The following MYO3A variants were observed in gnomAD, a reference collection of about 807,000 sequenced individuals.
The protein encoded by MYO3A is myosin IIIA.
A neutral mutation model predicts 192.7 loss-of-function variants in MYO3A; 180 were observed. The ratio of observed to expected loss-of-function variants is 0.93; its 90% CI spans 0.83 to 1.06. MYO3A has a LOEUF of 1.06. Among genes scored for constraint, MYO3A ranks in the 50% least tolerant of loss-of-function variants. The probability of loss-of-function intolerance (pLI) is 0.00; values close to 1 mark genes in which losing one functional copy is unlikely to be tolerated. For missense variants in MYO3A, 1,896 were observed against 1,905.0 expected (o/e 1.00, Z 0.09); for synonymous variants, 628 against 645.3 (o/e 0.97, Z 0.41).
chr10:26,166,596 G>T (rs1317087813), intron 27 of MYO3A, among the ~76,000 whole-genome samples: 1 of 152,078 alleles, frequency 6.6e-6, no homozygotes, highest in African/African-American at 2.4e-5. Context: ...TTATCTTGAA[G>T]ATTTATCAAA....
intron 4 of MYO3A, among the ~76,000 whole-genome samples, chr10:25,971,603 G>A (rs1020839784): frequency 2.8e-4 from 42 of 152,092 alleles, no homozygotes; most frequent in African/African-American, 9.7e-4. Context: ...TTTTGAGAGA[G>A]TTTTGCTGAG....
In MYO3A at chr10:26,014,758, A is replaced by G. The variant is rs952139695; in HGVS notation, c.509-2062A>G. On this transcript the variant is annotated intron_variant, in intron 6 of 34. Transcript: ENST00000642920. The stretch of plus-strand genomic sequence containing the variant: ...GACCCCTTTATGTTGACAAAATTCT[A>G]TATTTTTATAGTTTCAGTTCTCATT... Among the ~76,000 whole-genome samples, 5 of 152,238 alleles carry G rather than the reference A, an allele frequency of 3.3e-5. No homozygotes were observed. In the East Asian group the frequency reaches 5.8e-4, roughly 18 times the overall value.
chr10:25,962,839 G>T (rs1838020716), intron 4 of MYO3A, among the ~76,000 whole-genome samples: 1 of 152,126 alleles, frequency 6.6e-6, no homozygotes, highest in Non-Finnish European at 1.5e-5. Context: ...GCTATTGATG[G>T]ACACAAAGGG....
chr10:26,059,868 CAAT>C (rs1354469403), intron 10 of MYO3A, among the ~76,000 whole-genome samples: 5 of 152,118 alleles, frequency 3.3e-5, no homozygotes, highest in African/African-American at 1.2e-4. Context: ...ATTAAAACAA[CAAT>C]GACACTTTGG....
intron 34 of MYO3A, among the ~76,000 whole-genome samples, chr10:26,206,653 T>C (rs188697898): frequency 0.013 from 2,038 of 151,828 alleles, 47 homozygotes; most frequent in African/African-American, 0.046. Flanking sequence ...TTCACCATGT[T>C]GGCCAGGCTG....
In MYO3A at chr10:25,960,303, A is replaced by T. The variant is rs1440191989; in HGVS notation, c.303+5295A>T. Among the ~76,000 whole-genome samples the T allele has an allele frequency of 2.0e-5, 3 of 152,088 alleles. No homozygotes were observed. In the South Asian group the frequency reaches 6.2e-4, roughly 31 times the overall value. On this transcript the variant is annotated intron_variant, in intron 4 of 34. Coordinates refer to ENST00000642920, the MANE Select transcript of MYO3A (RefSeq NM_017433.5). The stretch of plus-strand genomic sequence containing the variant: ...ATTTTCAAAAATCTTTCATCATCTG[A>T]TGCTGTATATTATTTTACAAAATTA...
intron 2 of MYO3A, among the ~76,000 whole-genome samples, chr10:25,940,407 A>G (rs959485980): frequency 1.3e-5 from 2 of 151,998 alleles, no homozygotes; most frequent in Non-Finnish European, 2.9e-5. Flanking sequence ...AGTTATTTCT[A>G]ACTGCTTCCT....
intron 10 of MYO3A, among the ~76,000 whole-genome samples, chr10:26,054,892 T>G (rs1451459095): frequency 6.6e-6 from 1 of 152,230 alleles, no homozygotes; most frequent in African/African-American, 2.4e-5. Flanking sequence ...TGCAGAACTG[T>G]GAGAGAATAA....
intron 25 of MYO3A, 115 bp downstream of exon 25, chr10:26,154,938 A>G (rs2131917606): frequency 4.5e-6 from 4 of 883,718 alleles, no homozygotes; most frequent in East Asian, 5.6e-5. Context: ...TCCATTTACT[A>G]TTGTTAGATA....
chr10:26,154,044 C>G, intron 24 of MYO3A, 115 bp downstream of exon 24: 1 of 786,858 alleles, frequency 1.3e-6, no homozygotes, highest in Non-Finnish European at 2.2e-6. Flanking sequence ...TCCCTTTGAT[C>G]TTGCTTTTCT....
intron 17 of MYO3A, among the ~76,000 whole-genome samples, chr10:26,103,459 G>C (rs2131600206): frequency 6.6e-6 from 1 of 152,318 alleles, no homozygotes; most frequent in South Asian, 2.1e-4. Flanking sequence ...CCATCTTCTT[G>C]TTGCTCACGC....
At chr10:25,962,132 T>C (rs927691635) in intron 4 of MYO3A, among the ~76,000 whole-genome samples, 2 of 152,156 alleles carry the variant, frequency 1.3e-5, no homozygotes, top group African/African-American at 4.8e-5. Context: ...CAATCCAGAG[T>C]TGAAATCCTA....
intron 4 of MYO3A, among the ~76,000 whole-genome samples, chr10:25,956,723 TA>T (rs1204871404): frequency 6.6e-6 from 1 of 152,054 alleles, no homozygotes; most frequent in Non-Finnish European, 1.5e-5. Context: ...TTCATTTTTG[TA>T]TGTTTTTTTC....
intron 25 of MYO3A, among the ~76,000 whole-genome samples, chr10:26,156,831 G>C (rs1024995835): frequency 6.6e-6 from 1 of 152,012 alleles, no homozygotes; most frequent in Non-Finnish European, 1.5e-5. Context: ...TTTCCTGATC[G>C]TCTCCCTCCT....
chr10:26,211,713 A>G, intron 34 of MYO3A, 130 bp from the exon 35 acceptor site: 1 of 1,409,868 alleles, frequency 7.1e-7, no homozygotes, highest in Non-Finnish European at 9.7e-7. Flanking sequence ...AGTCGTTTCG[A>G]TTGTGCCTTT....
chr10:26,015,345 T>A (rs1841930996), intron 6 of MYO3A, among the ~76,000 whole-genome samples: 2 of 152,198 alleles, frequency 1.3e-5, no homozygotes, highest in Non-Finnish European at 2.9e-5. Context: ...ATTCCTTTAG[T>A]TACTCTCTAG....
intron 14 of MYO3A, among the ~76,000 whole-genome samples, chr10:26,074,038 A>C (rs186785192): frequency 5.1e-4 from 77 of 152,318 alleles, no homozygotes; most frequent in African/African-American, 1.8e-3. Flanking sequence ...CCAGGTAAAG[A>C]TCTTAAAGTA....
chr10:26,068,628 A>G (rs1835001942), intron 11 of MYO3A, 140 bp from the exon 12 acceptor site: 16 of 557,496 alleles, frequency 2.9e-5, no homozygotes, highest in South Asian at 2.0e-4. Context: ...CTGATGTTAC[A>G]TGTTTTTTAC....
rs374874488 is a variant in MYO3A at position 26,059,305 on chromosome 10, A to G, written c.954-7670A>G. Among the ~76,000 whole-genome samples the G allele has an allele frequency of 3.9e-5, 6 of 152,126 alleles. No individual in the cohort carries two copies. The South Asian group carries it at 1.0e-3, about 26-fold the overall frequency. ...AGCTTCTAATTTCTCATCATTATGT[A>G]TTGTAACTGTAGGCTATTTTACATG... On this transcript the variant is annotated intron_variant, in intron 10 of 34. Transcript: ENST00000642920.
Sources: allele counts gnomAD v4.1 joint callset (sites outside exome capture counted in the v4.1 genomes callset), GRCh38; gene constraint gnomAD v4.1.1; transcripts MANE v1.5; gene names NCBI Gene and HGNC (gene_info 2026-07-23, HGNC 2026-07-21).